The following RANBP2 variants were observed in gnomAD, a reference collection of about 807,000 sequenced individuals.
The protein encoded by RANBP2 is E3 SUMO-protein ligase RanBP2.
In RANBP2, 57 loss-of-function variants were observed where a neutral mutation model predicts 303.6. The ratio of observed to expected loss-of-function variants is 0.19; its 90% CI spans 0.15 to 0.23. The LOEUF (loss-of-function observed/expected upper bound fraction) is 0.23, where lower values mean the gene tolerates loss of function less well. Among genes scored for constraint, RANBP2 ranks in the 10% least tolerant of loss-of-function variants. The pLI is 1.00. For synonymous variants in RANBP2, 1,167 were observed against 1,301.5 expected (o/e 0.90, Z 2.23); for missense variants, 3,138 against 3,780.8 (o/e 0.83, Z 4.46).
chr2:109,489,096 T>A, the RANBP2 span, among the ~76,000 whole-genome samples: 1 of 152,032 alleles, frequency 6.6e-6, no homozygotes, highest in East Asian at 1.9e-4. Flanking sequence ...ACTCAGGCAG[T>A]GGAGTTGGAG....
At chr2:108,845,158 T>C in the RANBP2 span, among the ~76,000 whole-genome samples, 5 of 152,326 alleles carry the variant, frequency 3.3e-5, no homozygotes, top group East Asian at 1.9e-4. Context: ...AACACACTTA[T>C]TGTAAGTAGA....
the RANBP2 span, among the ~76,000 whole-genome samples, chr2:109,321,407 T>C: frequency 3.5e-4 from 53 of 152,354 alleles, 3 homozygotes; most frequent in South Asian, 0.01. Flanking sequence ...AAGTGGAAAT[T>C]AGTTGAGTTC....
At chr2:109,661,761 T>C in the RANBP2 span, among the ~76,000 whole-genome samples, 1 of 152,224 alleles carries the variant, frequency 6.6e-6, no homozygotes, top group Non-Finnish European at 1.5e-5. Context: ...ATATATCCCT[T>C]GGATGCCCTA....
chr2:109,614,161 C>T, the RANBP2 span: 6 of 1,186,646 alleles, frequency 5.1e-6, no homozygotes, highest in South Asian at 4.3e-5. Context: ...GGAATGCAGG[C>T]GGGAACTGCG....
the RANBP2 span, among the ~76,000 whole-genome samples, chr2:109,662,821 T>C: frequency 6.6e-6 from 1 of 152,158 alleles, no homozygotes; most frequent in Non-Finnish European, 1.5e-5. Flanking sequence ...GTTTTCAAAG[T>C]TGTCCTCTTT....
chr2:109,452,273 G>A, the RANBP2 span, among the ~76,000 whole-genome samples: 5 of 152,250 alleles, frequency 3.3e-5, no homozygotes, highest in South Asian at 6.2e-4. Flanking sequence ...CCTGCAGGCC[G>A]CTTCCTGAGC....
At chr2:109,562,750 G>A in the RANBP2 span, among the ~76,000 whole-genome samples, 1 of 152,120 alleles carries the variant, frequency 6.6e-6, no homozygotes, top group African/African-American at 2.4e-5. Flanking sequence ...GAAATGAGAA[G>A]TGAGTCTCCT....
the RANBP2 span, among the ~76,000 whole-genome samples, chr2:109,507,224 G>A: frequency 6.6e-6 from 1 of 152,174 alleles, no homozygotes; most frequent in Non-Finnish European, 1.5e-5. Flanking sequence ...GATGCCAGCT[G>A]AGGCTTGAGA....
chr2:109,506,173 G>A, the RANBP2 span, among the ~76,000 whole-genome samples: 36 of 152,266 alleles, frequency 2.4e-4, no homozygotes, highest in African/African-American at 5.1e-4. Flanking sequence ...CTCATTAGCC[G>A]CCAGTGAGCT....
At chr2:109,148,617 A>G in the RANBP2 span, among the ~76,000 whole-genome samples, 2 of 152,256 alleles carry the variant, frequency 1.3e-5, no homozygotes, top group African/African-American at 4.8e-5. Context: ...GTATAATTAA[A>G]GATGGCATTA....
At chr2:108,884,705 G>A in the RANBP2 span, 2 of 152,136 alleles carry the variant, frequency 1.3e-5, no homozygotes, top group Admixed American at 1.3e-4. Context: ...TTTCGAGATT[G>A]TGTCCTCCCG....
At chr2:109,225,644 A>AAATC in the RANBP2 span, among the ~76,000 whole-genome samples, 2 of 152,256 alleles carry the variant, frequency 1.3e-5, no homozygotes, top group African/African-American at 4.8e-5. Flanking sequence ...TGAATTTAGA[A>AAATC]AATCAAAAGA....
At chr2:109,479,016 C>T in the RANBP2 span, among the ~76,000 whole-genome samples, 2 of 152,174 alleles carry the variant, frequency 1.3e-5, no homozygotes, top group African/African-American at 4.8e-5. Context: ...CTGCAGCCTC[C>T]TGGAGGTGGG....
chr2:108,821,520 A>G, the RANBP2 span, among the ~76,000 whole-genome samples: 1 of 152,240 alleles, frequency 6.6e-6, no homozygotes, highest in Non-Finnish European at 1.5e-5. Context: ...AATATACACA[A>G]AAGCAAATGA....
the RANBP2 span, among the ~76,000 whole-genome samples, chr2:109,301,467 A>G: frequency 6.6e-6 from 1 of 151,994 alleles, no homozygotes; most frequent in African/African-American, 2.4e-5. Flanking sequence ...TCGCTGTTTG[A>G]TGGCAGGTGT....
the RANBP2 span, chr2:108,910,310 G>A: frequency 5.4e-5 from 36 of 670,178 alleles, no homozygotes; most frequent in South Asian, 5.9e-4. Flanking sequence ...CTGCCAGTCA[G>A]CAAAGAGGTG....
the RANBP2 span, among the ~76,000 whole-genome samples, chr2:108,960,533 C>T: frequency 6.6e-6 from 1 of 152,210 alleles, no homozygotes; most frequent in Admixed American, 6.5e-5. Context: ...GTCTCTGCTG[C>T]CCCGTCAGCC....
intron 7 of RANBP2, among the ~76,000 whole-genome samples, chr2:108,741,495 CTTTTTTTTTTTT>C (rs34872068): frequency 3.1e-4 from 19 of 61,798 alleles, no homozygotes; most frequent in African/African-American, 5.4e-4. Flanking sequence ...TGCGCCTGGC[CTTTTTTTTTTTT>C]TTTTTTTTTT....
At chr2:108,787,908 AG>A, downstream of RANBP2, 1 of 815,440 alleles carries the variant, frequency 1.2e-6, no homozygotes, top group Non-Finnish European at 1.9e-6. Flanking sequence ...CACTTGGTTA[AG>A]ATGGTGTCTA....
Sources: gnomAD v4.1 joint callset for allele counts (sites outside exome capture counted in the v4.1 genomes callset) on GRCh38, gnomAD v4.1.1 for gene constraint, MANE v1.5 for transcripts, NCBI Gene and HGNC (gene_info 2026-07-23, HGNC 2026-07-21) for gene names.